CRIM1: variants seen among roughly 807,000 people sequenced by gnomAD.
CRIM1 encodes the protein cysteine-rich motor neuron 1 protein.
CRIM1 carries 32 observed loss-of-function variants against 116.4 expected under a neutral mutation model. The ratio of observed to expected loss-of-function variants is 0.27; its 90% CI spans 0.21 to 0.37. The LOEUF (loss-of-function observed/expected upper bound fraction) is 0.37. CRIM1 is among the 10% of genes least tolerant of loss of function. The probability of loss-of-function intolerance (pLI) is 1.00; values close to 1 mark genes in which losing one functional copy is unlikely to be tolerated. For missense variants in CRIM1, 1,331 were observed against 1,354.8 expected (o/e 0.98, Z 0.28); for synonymous variants, 590 against 509.2 (o/e 1.16, Z -2.13).
Position 36,356,756 on chromosome 2 carries a change from C to A in CRIM1, c.331+133C>A. On this transcript the variant is annotated intron_variant, in intron 1 of 16. Transcript: ENST00000280527. This position sits in a 1 kb window ranked among gnomAD's most constrained non-coding sequence, Gnocchi z 4.3. ...TGCGGGAAGAGGGGCGGCCGCCGCC[C>A]CCAGGAGAGTGCCCCCGCGGCCCTG... is the stretch of plus-strand genomic sequence containing the variant. 1.2e-6 allele frequency: 1 copy of A among 850,432 alleles called. No homozygotes were observed. Among genetic ancestry groups the A allele is most frequent in the Non-Finnish European group, 1.8e-6 (1 of 564,314 alleles). 52.7% of individuals were successfully genotyped at this position (850,432 alleles called of 1,614,324 possible).
At chr2:36,514,330 C>T (rs979976352) in intron 11 of CRIM1, among the ~76,000 whole-genome samples, 2 of 152,096 alleles carry the variant, frequency 1.3e-5, no homozygotes, top group Non-Finnish European at 2.9e-5. Context: ...TACTAGAAAA[C>T]CAGAACAGAT....
At chr2:36,535,645 T>A (rs1413227556) in intron 13 of CRIM1, among the ~76,000 whole-genome samples, 3 of 152,336 alleles carry the variant, frequency 2.0e-5, no homozygotes, top group Admixed American at 2.0e-4. Context: ...TCTCAGTTTC[T>A]TCCTTGGACT....
intron 12 of CRIM1, among the ~76,000 whole-genome samples, chr2:36,519,295 A>G (rs1032192147): frequency 6.6e-5 from 10 of 152,192 alleles, no homozygotes; most frequent in African/African-American, 1.7e-4. Context: ...GCAGAGGCCC[A>G]TGGGTTCTAG....
intron 15 of CRIM1, among the ~76,000 whole-genome samples, chr2:36,546,568 TGTTCTAGTCTCC>T (rs1420590044): frequency 6.6e-6 from 1 of 152,124 alleles, no homozygotes; most frequent in Non-Finnish European, 1.5e-5. Context: ...GAACATACTT[TGTTCTAGTCTCC>T]TGTTTGCCAA....
chr2:36,471,971 A>G (rs1007305186), intron 5 of CRIM1, among the ~76,000 whole-genome samples: 2 of 152,208 alleles, frequency 1.3e-5, no homozygotes, highest in African/African-American at 4.8e-5. Context: ...CCATCCACCA[A>G]TCAGTGTAGT....
At chr2:36,529,265 A>G (rs541170614) in intron 13 of CRIM1, 28 of 468,138 alleles carry the variant, frequency 6.0e-5, no homozygotes, top group Non-Finnish European at 1.2e-4. Flanking sequence ...GAGTCTTCTT[A>G]ACAGGACTTG....
At chr2:36,385,840 G>T (rs1482265513) in intron 1 of CRIM1, among the ~76,000 whole-genome samples, 1 of 152,176 alleles carries the variant, frequency 6.6e-6, no homozygotes, top group Non-Finnish European at 1.5e-5. Flanking sequence ...TAAAACTGAT[G>T]AATCCATGGA....
chr2:36,533,958 G>T (rs1208609757), intron 13 of CRIM1, among the ~76,000 whole-genome samples: 1 of 150,214 alleles, frequency 6.7e-6, no homozygotes, highest in Admixed American at 6.7e-5. Flanking sequence ...AGGAAAGAGG[G>T]TGGGAGGGAA....
intron 2 of CRIM1, among the ~76,000 whole-genome samples, chr2:36,410,702 C>T (rs953329640): frequency 1.3e-5 from 2 of 151,718 alleles, no homozygotes; most frequent in African/African-American, 4.8e-5. Context: ...TATCTATATT[C>T]TATTAAATAT....
chr2:36,481,354 G>A (rs993884321), intron 7 of CRIM1, among the ~76,000 whole-genome samples: 38 of 152,176 alleles, frequency 2.5e-4, no homozygotes, highest in Non-Finnish European at 1.2e-4. Flanking sequence ...GTGAAACTTA[G>A]TGTGGTCACT....
chr2:36,540,611 G>T (rs151115993), intron 14 of CRIM1, among the ~76,000 whole-genome samples: 3 of 152,288 alleles, frequency 2.0e-5, no homozygotes, highest in Non-Finnish European at 4.4e-5. Flanking sequence ...GGATTTTTCA[G>T]GCCTTAATTA....
At chr2:36,441,907 A>G (rs540947438) in intron 3 of CRIM1, among the ~76,000 whole-genome samples, 20 of 152,344 alleles carry the variant, frequency 1.3e-4, no homozygotes, top group Middle Eastern at 3.4e-3. Flanking sequence ...TAAAACAGAA[A>G]GTTATTTTTA....
chr2:36,510,167 A>C, intron 9 of CRIM1, 28 bp downstream of exon 9: 1 of 1,597,380 alleles, frequency 6.3e-7, no homozygotes, highest in Non-Finnish European at 8.5e-7. Flanking sequence ...CAGAAAAGCT[A>C]TTATGAAGTG....
intron 14 of CRIM1, among the ~76,000 whole-genome samples, chr2:36,542,149 G>A (rs1025302195): frequency 6.6e-6 from 1 of 152,158 alleles, no homozygotes; most frequent in African/African-American, 2.4e-5. Flanking sequence ...TAATACACAG[G>A]ACAGGTTATG....
intron 9 of CRIM1, 31 bp downstream of exon 9, chr2:36,510,170 A>T (rs781137503): frequency 6.3e-7 from 1 of 1,594,900 alleles, no homozygotes; most frequent in South Asian, 1.1e-5. Context: ...AAAAGCTATT[A>T]TGAAGTGCAA....
chr2:36,510,952 G>A (rs554605807), intron 9 of CRIM1, among the ~76,000 whole-genome samples: 1 of 145,378 alleles, frequency 6.9e-6, no homozygotes, highest in Non-Finnish European at 1.5e-5. Flanking sequence ...TTCAGGCAGG[G>A]TAGTGCTCTG....
At chr2:36,537,643 C>T in intron 14 of CRIM1, 97 bp downstream of exon 14, 2 of 1,342,148 alleles carry the variant, frequency 1.5e-6, no homozygotes, top group Non-Finnish European at 2.0e-6. Context: ...CATTCGTTCA[C>T]ACGGCCCAAG....
intron 2 of CRIM1, among the ~76,000 whole-genome samples, chr2:36,440,270 C>G (rs6729186): frequency 0.2 from 30,578 of 152,044 alleles, 3,703 homozygotes; most frequent in East Asian, 0.56. Context: ...ATCCTACTAC[C>G]CAATTCTGTG....
intron 8 of CRIM1, among the ~76,000 whole-genome samples, chr2:36,499,900 T>C (rs1042590785): frequency 5.3e-5 from 8 of 152,224 alleles, no homozygotes; most frequent in Admixed American, 2.6e-4. Flanking sequence ...CCCCTAATTC[T>C]TCTGCCGGAA....
Sources: gnomAD v4.1 joint callset for allele counts (sites outside exome capture counted in the v4.1 genomes callset) on GRCh38, gnomAD v4.1.1 for gene constraint, Gnocchi (gnomAD v3.1) non-coding constraint, MANE v1.5 for transcripts, NCBI Gene and HGNC (gene_info 2026-07-23, HGNC 2026-07-21) for gene names.